The following CTDSPL2 variants were observed in gnomAD, a reference collection of about 807,000 sequenced individuals.
The protein encoded by CTDSPL2 is CTD small phosphatase-like protein 2.
Under a neutral mutation model 60.0 loss-of-function variants are expected in CTDSPL2, and 5 were observed. That is an observed-to-expected ratio of 0.08 (90% CI 0.04 to 0.18). The LOEUF (loss-of-function observed/expected upper bound fraction) is 0.18. Ranked by LOEUF, CTDSPL2 falls within the 10% of genes least tolerant of loss-of-function variation. CTDSPL2 has a pLI of 1.00. For missense variants in CTDSPL2, 370 were observed against 548.8 expected (o/e 0.67, Z 3.26); for synonymous variants, 186 against 189.3 (o/e 0.98, Z 0.14).
At chr15:44,442,521 G>A (rs376068161) in intron 1 of CTDSPL2, among the ~76,000 whole-genome samples, 2 of 151,954 alleles carry the variant, frequency 1.3e-5, no homozygotes, top group East Asian at 3.9e-4. Flanking sequence ...TGGTGTACCT[G>A]ACAATTTGCC....
intron 1 of CTDSPL2, among the ~76,000 whole-genome samples, chr15:44,454,964 A>G (rs1218275110): frequency 2.0e-5 from 3 of 152,228 alleles, no homozygotes; most frequent in Admixed American, 6.5e-5. Flanking sequence ...TTCTGTGAAG[A>G]AAGTCATTGG....
intron 5 of CTDSPL2, 70 bp downstream of exon 5, chr15:44,491,069 T>C (rs1281798200): frequency 8.2e-7 from 1 of 1,221,248 alleles, no homozygotes; most frequent in African/African-American, 1.5e-5. Flanking sequence ...TTCATATTTT[T>C]TCTTAAATGA....
chr15:44,497,603 C>CATG (rs926482010), intron 7 of CTDSPL2, among the ~76,000 whole-genome samples: 31 of 152,130 alleles, frequency 2.0e-4, no homozygotes, highest in African/African-American at 7.0e-4. Context: ...ACCTCCTGAC[C>CATG]TCATGATCCG....
chr15:44,513,439 C>T (rs1236375083), intron 8 of CTDSPL2, among the ~76,000 whole-genome samples: 2 of 152,208 alleles, frequency 1.3e-5, no homozygotes, highest in African/African-American at 2.4e-5. Flanking sequence ...TGCACTCCAG[C>T]CTGGGCCGTA....
Position 44,439,543 on chromosome 15 carries a change from T to G in CTDSPL2, c.-25+11771T>G, listed in dbSNP as rs1000271096. Among the ~76,000 whole-genome samples the G allele has an allele frequency of 4.5e-4, 63 of 141,474 alleles. 1 individual carries two copies. The highest frequency in any genetic ancestry group is 6.4e-4 in the East Asian group (3 of 4,692). The allele number at this position is 141,474 out of a possible 152,430, so 92.8% of individuals were successfully genotyped here. ...AGTCTCTGTATTTTTATGTTTTTTT[T>G]GGGGGGGGGGGAATATTTGCATTAT... On this transcript the variant is annotated intron_variant, in intron 1 of 12. Transcript: ENST00000260327.
intron 11 of CTDSPL2, chr15:44,520,252 T>A (rs2081741415): frequency 6.6e-6 from 1 of 151,892 alleles, no homozygotes; most frequent in South Asian, 2.1e-4. Context: ...GGGTTCGTGA[T>A]TCTCCTGCCT....
intron 2 of CTDSPL2, among the ~76,000 whole-genome samples, chr15:44,480,187 C>T (rs193112404): frequency 1.1e-4 from 16 of 152,130 alleles, no homozygotes; most frequent in African/African-American, 3.9e-4. Context: ...AGCCATAGAC[C>T]CCCTATGCTA....
In CTDSPL2 at chr15:44,524,491, A is replaced by C. The variant is rs2081841436; in HGVS notation, c.*317A>C. 4.0e-6 allele frequency: 1 copy of C among 248,044 alleles called. No homozygotes were observed. The highest frequency in any genetic ancestry group is 7.7e-6 in the Non-Finnish European group (1 of 129,254). 15.4% of individuals were successfully genotyped at this position (248,044 alleles called of 1,614,324 possible). On this transcript the variant is annotated 3_prime_UTR_variant, in exon 13 of 13. Transcript: ENST00000260327. ...CCAGCAGTTTGACCTGTAGTCACAC[A>C]GGATTTTATGATAATAACAGAGATG...
intron 5 of CTDSPL2, among the ~76,000 whole-genome samples, chr15:44,495,846 C>T (rs2081290249): frequency 6.6e-6 from 1 of 151,888 alleles, no homozygotes. Context: ...GCAGGAGAAT[C>T]GCTTGAACCT....
intron 4 of CTDSPL2, among the ~76,000 whole-genome samples, chr15:44,490,342 G>A (rs757024739): frequency 3.9e-5 from 6 of 152,100 alleles, no homozygotes; most frequent in Non-Finnish European, 7.4e-5. Flanking sequence ...TGTTGCCCAG[G>A]CTGGTTTTGA....
chr15:44,454,690 T>C (rs200613277), intron 1 of CTDSPL2, among the ~76,000 whole-genome samples: 1 of 152,222 alleles, frequency 6.6e-6, no homozygotes, highest in East Asian at 1.9e-4. Flanking sequence ...GGGAATCCTT[T>C]CCCCATTTCT....
chr15:44,492,350 A>G (rs1358290968), intron 5 of CTDSPL2, among the ~76,000 whole-genome samples: 1 of 152,138 alleles, frequency 6.6e-6, no homozygotes, highest in Non-Finnish European at 1.5e-5. Context: ...AAGACAAAAG[A>G]AAAAAAGAAA....
At chr15:44,461,550 A>G (rs1595720559) in intron 2 of CTDSPL2, among the ~76,000 whole-genome samples, 1 of 148,772 alleles carries the variant, frequency 6.7e-6, no homozygotes, top group South Asian at 2.1e-4. Context: ...CACCATGCCC[A>G]GCTATTTTTA....
chr15:44,494,370 C>G (rs1467234773), intron 5 of CTDSPL2, among the ~76,000 whole-genome samples: 1 of 152,016 alleles, frequency 6.6e-6, no homozygotes. Flanking sequence ...CTTGAGGAGG[C>G]CTAGGAAGGA....
chr15:44,524,501 GATA>G lies in CTDSPL2; in HGVS notation c.*332_*334del, dbSNP rs2081841632. On this transcript the variant is annotated 3_prime_UTR_variant, in exon 13 of 13. Transcript: ENST00000260327. ...GACCTGTAGTCACACAGGATTTTAT[GATA>G]ATAACAGAGATGAAAATGGACTTTT... is the stretch of plus-strand genomic sequence containing the variant. 9.0e-6 allele frequency: 2 copies of G among 221,198 alleles called. No homozygotes were observed. The highest frequency in any genetic ancestry group is 8.9e-6 in the Non-Finnish European group (1 of 112,748). The allele number at this position is 221,198 out of a possible 1,614,324, so 13.7% of individuals were successfully genotyped here.
intron 2 of CTDSPL2, among the ~76,000 whole-genome samples, chr15:44,465,953 TA>T (rs1228076263): frequency 6.7e-6 from 1 of 148,410 alleles, no homozygotes; most frequent in Non-Finnish European, 1.5e-5. Context: ...TTTTTTTTTT[TA>T]AAGACGGAGT....
rs80284003 is a variant in CTDSPL2 at position 44,464,589 on chromosome 15, T to G, written c.186+5389T>G. On this transcript the variant is annotated intron_variant, in intron 2 of 12. Transcript: ENST00000260327. ...TTCTTAGATCTCTGTTCTTGACTTA[T>G]AGATGGCTGCCCCTCACACCCCTCA... Among the ~76,000 whole-genome samples, 72 of 152,340 alleles carry G rather than the reference T, an allele frequency of 4.7e-4. 1 individual carries two copies. In the East Asian group the frequency reaches 0.013, roughly 29 times the overall value.
At chr15:44,459,903 A>G (rs1247420269) in intron 2 of CTDSPL2, among the ~76,000 whole-genome samples, 3 of 152,316 alleles carry the variant, frequency 2.0e-5, no homozygotes, top group South Asian at 2.1e-4. Flanking sequence ...AGAAAAGAAC[A>G]TAAAGAAAGA....
At chr15:44,451,358 C>G (rs1049750085) in intron 1 of CTDSPL2, among the ~76,000 whole-genome samples, 1 of 152,112 alleles carries the variant, frequency 6.6e-6, no homozygotes, top group Non-Finnish European at 1.5e-5. Context: ...AATCCTCCCG[C>G]CTCAGCCTCC....
Sources: gnomAD v4.1 joint callset for allele counts (sites outside exome capture counted in the v4.1 genomes callset) on GRCh38, gnomAD v4.1.1 for gene constraint, MANE v1.5 for transcripts, NCBI Gene and HGNC (gene_info 2026-07-23, HGNC 2026-07-21) for gene names.